Variants in NXPH1 observed in about 807,000 individuals in gnomAD.
NXPH1 encodes the protein neurexophilin 1.
In NXPH1, 5 loss-of-function variants were observed where a neutral mutation model predicts 23.7. That is an observed-to-expected ratio of 0.21 (90% CI 0.11 to 0.44). The LOEUF is 0.44. NXPH1 is among the 20% of genes least tolerant of loss of function. The pLI, the probability that NXPH1 is intolerant of heterozygous loss-of-function variation, is 0.99. For missense variants in NXPH1, 324 were observed against 321.6 expected (o/e 1.01, Z -0.06); for synonymous variants, 144 against 122.2 (o/e 1.18, Z -1.18).
At chr7:8,660,659 A>T (rs1446572612) in intron 2 of NXPH1, among the ~76,000 whole-genome samples, 1 of 152,206 alleles carries the variant, frequency 6.6e-6, no homozygotes, top group South Asian at 2.1e-4. Context: ...CTTTGTCATA[A>T]TAACAACTGC....
chr7:8,459,602 T>TC (rs1361495774), intron 2 of NXPH1, among the ~76,000 whole-genome samples: 1 of 152,180 alleles, frequency 6.6e-6, no homozygotes, highest in Non-Finnish European at 1.5e-5. Context: ...GTCACTGCTT[T>TC]CCCCTACTAA....
At chr7:8,683,695 T>G (rs780743514) in intron 2 of NXPH1, among the ~76,000 whole-genome samples, 1 of 152,208 alleles carries the variant, frequency 6.6e-6, no homozygotes, top group Non-Finnish European at 1.5e-5. Flanking sequence ...TTGCATTTTT[T>G]TGGCATTAAC....
At chr7:8,673,679 G>T (rs1283768993) in intron 2 of NXPH1, among the ~76,000 whole-genome samples, 1 of 152,122 alleles carries the variant, frequency 6.6e-6, no homozygotes, top group Non-Finnish European at 1.5e-5. Context: ...GTGCATGTAT[G>T]TATGTATGAT....
intron 2 of NXPH1, among the ~76,000 whole-genome samples, chr7:8,462,590 A>G (rs1816714553): frequency 6.6e-6 from 1 of 152,214 alleles, no homozygotes; most frequent in Admixed American, 6.5e-5. Flanking sequence ...GACTGCTCTT[A>G]ACTGCTAAGC....
intron 2 of NXPH1, among the ~76,000 whole-genome samples, chr7:8,651,007 A>T (rs1289548702): frequency 6.6e-6 from 1 of 151,524 alleles, no homozygotes; most frequent in Non-Finnish European, 1.5e-5. Flanking sequence ...GTTTTAGGGT[A>T]CATGTGCACA....
chr7:8,737,721 G>A (rs1488577945), intron 2 of NXPH1, among the ~76,000 whole-genome samples: 4 of 152,178 alleles, frequency 2.6e-5, no homozygotes, highest in Non-Finnish European at 5.9e-5. Flanking sequence ...ATATCCTGAA[G>A]AGTGTTTTCC....
At chr7:8,547,949 T>A (rs1270248990) in intron 2 of NXPH1, among the ~76,000 whole-genome samples, 1 of 151,556 alleles carries the variant, frequency 6.6e-6, no homozygotes, top group East Asian at 2.0e-4. Context: ...TCAATGAACA[T>A]ACAAGTGCTG....
At chr7:8,447,612 T>G (rs377102000) in intron 2 of NXPH1, among the ~76,000 whole-genome samples, 1 of 152,262 alleles carries the variant, frequency 6.6e-6, no homozygotes, top group Non-Finnish European at 1.5e-5. Context: ...ATCTGGCATA[T>G]GAGCTGAGCT....
intron 2 of NXPH1, among the ~76,000 whole-genome samples, chr7:8,652,692 A>G (rs533498677): frequency 1.5e-3 from 230 of 152,062 alleles, no homozygotes; most frequent in Non-Finnish European, 2.6e-3. Flanking sequence ...ATTAATCTCT[A>G]TTTTCTTTAA....
intron 2 of NXPH1, among the ~76,000 whole-genome samples, chr7:8,663,697 C>G (rs2115163869): frequency 1.3e-5 from 2 of 152,180 alleles, no homozygotes; most frequent in Non-Finnish European, 2.9e-5. Context: ...AATTACTTGA[C>G]TAATCAGCCA....
chr7:8,706,276 A>C (rs886416687), intron 2 of NXPH1, among the ~76,000 whole-genome samples: 3 of 152,222 alleles, frequency 2.0e-5, no homozygotes, highest in African/African-American at 7.2e-5. Context: ...TTGATTGGGC[A>C]TGTGTGCAAC....
intron 2 of NXPH1, among the ~76,000 whole-genome samples, chr7:8,459,424 A>G (rs1404141933): frequency 6.6e-6 from 1 of 152,198 alleles, no homozygotes; most frequent in Non-Finnish European, 1.5e-5. Context: ...ACACAAAATT[A>G]ATTAAATTGC....
intron 2 of NXPH1, among the ~76,000 whole-genome samples, chr7:8,608,201 G>T (rs1472769560): frequency 6.6e-6 from 1 of 152,130 alleles, no homozygotes; most frequent in Non-Finnish European, 1.5e-5. Flanking sequence ...TTTCTTACTT[G>T]AATTATTAAC....
At chr7:8,471,339 A>G (rs1034201242) in intron 2 of NXPH1, among the ~76,000 whole-genome samples, 7 of 152,208 alleles carry the variant, frequency 4.6e-5, no homozygotes, top group Non-Finnish European at 8.8e-5. Context: ...TGTGAAGAGT[A>G]AAAACTCTGG....
intron 2 of NXPH1, among the ~76,000 whole-genome samples, chr7:8,692,396 G>GAAAT (rs1407932958): frequency 6.6e-6 from 1 of 152,162 alleles, no homozygotes; most frequent in Non-Finnish European, 1.5e-5. Flanking sequence ...GCACTGGAGA[G>GAAAT]AAATAGGCAG....
intron 2 of NXPH1, among the ~76,000 whole-genome samples, chr7:8,502,310 A>T (rs1343804296): frequency 1.3e-5 from 2 of 152,058 alleles, no homozygotes; most frequent in East Asian, 3.9e-4. Flanking sequence ...TTCTTTTCCC[A>T]GGATTCCCTA....
At chr7:8,655,427 T>TATACACACA (rs1349123901) in intron 2 of NXPH1, among the ~76,000 whole-genome samples, 1 of 72,102 alleles carries the variant, frequency 1.4e-5, no homozygotes, top group Non-Finnish European at 2.8e-5. Context: ...TCTCTCTCTC[T>TATACACACA]CTCTCTCTCT....
At chr7:8,698,296 T>A (rs1779566665) in intron 2 of NXPH1, among the ~76,000 whole-genome samples, 1 of 152,214 alleles carries the variant, frequency 6.6e-6, no homozygotes, top group South Asian at 2.1e-4. Flanking sequence ...CATTTTTGCA[T>A]AGTTTTATTG....
chr7:8,701,694 G>A (rs1458242662), intron 2 of NXPH1, among the ~76,000 whole-genome samples: 6 of 151,992 alleles, frequency 3.9e-5, no homozygotes, highest in African/African-American at 7.2e-5. Context: ...AGAAGTTGGA[G>A]CTCTTCCCCA....
Sources: gnomAD v4.1 joint callset for allele counts (sites outside exome capture counted in the v4.1 genomes callset) on GRCh38, gnomAD v4.1.1 for gene constraint, MANE v1.5 for transcripts, NCBI Gene and HGNC (gene_info 2026-07-23, HGNC 2026-07-21) for gene names.